The following CACNA2D3 variants were observed in gnomAD, a reference collection of about 807,000 sequenced individuals.
CACNA2D3 encodes calcium voltage-gated channel auxiliary subunit alpha2delta 3, also known as voltage-dependent calcium channel subunit alpha-2/delta-3.
A neutral mutation model predicts 160.6 loss-of-function variants in CACNA2D3; 60 were observed. The observed-to-expected ratio is 0.37, with a 90% CI of 0.30 to 0.46. The LOEUF (loss-of-function observed/expected upper bound fraction) is 0.46, where lower values mean the gene tolerates loss of function less well. Among genes scored for constraint, CACNA2D3 ranks in the 20% least tolerant of loss-of-function variants. The pLI, the probability that CACNA2D3 is intolerant of heterozygous loss-of-function variation, is 1.00. For synonymous variants in CACNA2D3, 558 were observed against 492.9 expected (o/e 1.13, Z -1.75); for missense variants, 1,205 against 1,365.0 (o/e 0.88, Z 1.85).
intron 27 of CACNA2D3, among the ~76,000 whole-genome samples, chr3:54,913,359 C>T (rs978318864): frequency 5.3e-5 from 8 of 152,178 alleles, no homozygotes; most frequent in African/African-American, 1.9e-4. Context: ...AGCAGTATTC[C>T]TAATTTCCGT....
chr3:54,954,540 G>A (rs1052642657), intron 27 of CACNA2D3, among the ~76,000 whole-genome samples: 3 of 152,266 alleles, frequency 2.0e-5, no homozygotes, highest in East Asian at 1.9e-4. Flanking sequence ...CCAGCCCTTC[G>A]GCTTCCCTTT....
At chr3:54,568,309 A>G (rs1254287981) in intron 6 of CACNA2D3, among the ~76,000 whole-genome samples, 1 of 152,202 alleles carries the variant, frequency 6.6e-6, no homozygotes, top group Non-Finnish European at 1.5e-5. Context: ...TTTGGACATT[A>G]TTTTCAGTTT....
intron 11 of CACNA2D3, among the ~76,000 whole-genome samples, chr3:54,741,707 T>C (rs968806335): frequency 1.3e-5 from 2 of 152,106 alleles, no homozygotes; most frequent in Non-Finnish European, 1.5e-5. Context: ...TCCTTGGTGG[T>C]CCACTGGACA....
chr3:54,685,844 C>T (rs1277595068), intron 11 of CACNA2D3, among the ~76,000 whole-genome samples: 3 of 152,088 alleles, frequency 2.0e-5, no homozygotes. Flanking sequence ...AGGTGAAAAT[C>T]ATCACTCATC....
At chr3:54,589,243 G>A (rs1327062655) in intron 9 of CACNA2D3, among the ~76,000 whole-genome samples, 5 of 152,074 alleles carry the variant, frequency 3.3e-5, no homozygotes, top group African/African-American at 1.2e-4. Context: ...ACTGATTTTA[G>A]ACAAAGGTGC....
At chr3:54,812,421 G>A (rs1703341868) in intron 13 of CACNA2D3, among the ~76,000 whole-genome samples, 1 of 152,224 alleles carries the variant, frequency 6.6e-6, no homozygotes, top group African/African-American at 2.4e-5. Flanking sequence ...AGAAATAGGT[G>A]TTTGCCAGGC....
intron 3 of CACNA2D3, among the ~76,000 whole-genome samples, chr3:54,378,919 C>T (rs966259040): frequency 2.6e-5 from 4 of 152,178 alleles, no homozygotes; most frequent in Admixed American, 1.3e-4. Flanking sequence ...GCCATTCACA[C>T]TGATAACGGG....
chr3:54,280,685 A>G (rs899003605), intron 2 of CACNA2D3, among the ~76,000 whole-genome samples: 4 of 151,822 alleles, frequency 2.6e-5, no homozygotes, highest in Admixed American at 2.6e-4. Context: ...AGCAATAACA[A>G]CCCTTCCCGA....
At chr3:55,032,686 G>T (rs79252367) in intron 35 of CACNA2D3, among the ~76,000 whole-genome samples, 10,331 of 152,182 alleles carry the variant, frequency 0.068, 467 homozygotes, top group Middle Eastern at 0.12. Flanking sequence ...GTAAAATGAA[G>T]ATGCTAATAG....
Position 54,629,386 on chromosome 3 carries a change from G to A in CACNA2D3, c.1053+1510G>A, listed in dbSNP as rs1265087503. 5.9e-5 allele frequency among the ~76,000 whole-genome samples: 9 copies of A among 152,244 alleles called. No homozygotes were observed. The South Asian group carries it at 1.9e-3, about 32-fold the overall frequency. On this transcript the variant is annotated intron_variant, in intron 10 of 37. Coordinates refer to ENST00000474759, the MANE Select transcript of CACNA2D3 (RefSeq NM_018398.3). ...ATACTGGCCTCTCAAGAAAGGCTAG[G>A]CCCTAATTTCCAGACTCTCTTTTAC...
intron 4 of CACNA2D3, among the ~76,000 whole-genome samples, chr3:54,410,252 G>T (rs1699643558): frequency 1.3e-5 from 2 of 152,150 alleles, no homozygotes; most frequent in South Asian, 4.1e-4. Flanking sequence ...TACTCAGGAG[G>T]CTGAGGCAGG....
At chr3:54,376,788 A>G (rs1345695700) in intron 3 of CACNA2D3, among the ~76,000 whole-genome samples, 1 of 152,194 alleles carries the variant, frequency 6.6e-6, no homozygotes, top group East Asian at 1.9e-4. Context: ...TGCTGGAGTC[A>G]GGATTTGAAT....
At chr3:55,065,694 AAGGAG>A (rs1165610613) in intron 35 of CACNA2D3, among the ~76,000 whole-genome samples, 4 of 150,566 alleles carry the variant, frequency 2.7e-5, no homozygotes, top group Non-Finnish European at 5.9e-5. Flanking sequence ...AGGGAGAGGG[AAGGAG>A]AGGAGAGGAG....
chr3:54,591,000 C>T (rs1380687604), intron 9 of CACNA2D3, among the ~76,000 whole-genome samples: 2 of 152,074 alleles, frequency 1.3e-5, no homozygotes, highest in African/African-American at 4.8e-5. Flanking sequence ...GCTCAGACGA[C>T]AAAGCATTTT....
At chr3:55,067,456 A>G (rs1274883389) in intron 35 of CACNA2D3, among the ~76,000 whole-genome samples, 2 of 152,176 alleles carry the variant, frequency 1.3e-5, no homozygotes, top group Admixed American at 1.3e-4. Flanking sequence ...TCTTATTCAT[A>G]TAGCTGTGGT....
chr3:54,928,889 T>G (rs755260543), intron 27 of CACNA2D3, among the ~76,000 whole-genome samples: 1 of 152,196 alleles, frequency 6.6e-6, no homozygotes, highest in African/African-American at 2.4e-5. Flanking sequence ...TCTTCTCTAA[T>G]TGAAGCTTCA....
intron 18 of CACNA2D3, chr3:54,875,653 G>T (rs563093716): frequency 2.0e-5 from 3 of 152,318 alleles, no homozygotes; most frequent in African/African-American, 7.2e-5. Context: ...CACCTGTAAC[G>T]AGGTTGGCAG....
intron 4 of CACNA2D3, 60 bp from the exon 5 acceptor site, chr3:54,503,432 A>G: frequency 6.6e-7 from 1 of 1,506,184 alleles, no homozygotes; most frequent in Non-Finnish European, 9.2e-7. Context: ...CCCAGGTCTA[A>G]GTGAGTTCAC....
At chr3:54,911,462 G>A (rs1051406453) in intron 27 of CACNA2D3, among the ~76,000 whole-genome samples, 28 of 148,304 alleles carry the variant, frequency 1.9e-4, no homozygotes, top group African/African-American at 6.5e-4. Context: ...ATGAGCAGCT[G>A]GAACTACAGG....
Sources: allele counts gnomAD v4.1 joint callset (sites outside exome capture counted in the v4.1 genomes callset), GRCh38; gene constraint gnomAD v4.1.1; transcripts MANE v1.5; gene names NCBI Gene and HGNC (gene_info 2026-07-23, HGNC 2026-07-21).